ZNF365: variants seen among roughly 807,000 people sequenced by gnomAD.
ZNF365 encodes the protein protein ZNF365.
In ZNF365, 22 loss-of-function variants were observed where a neutral mutation model predicts 35.0. That is an observed-to-expected ratio of 0.63 (90% CI 0.45 to 0.90). ZNF365 has a LOEUF of 0.90. Among genes scored for constraint, ZNF365 ranks in the 40% least tolerant of loss-of-function variants. The probability of loss-of-function intolerance (pLI) is 0.00; values close to 1 mark genes in which losing one functional copy is unlikely to be tolerated. For missense variants in ZNF365, 448 were observed against 500.3 expected, an observed-to-expected ratio of 0.90 and a Z score of 1.00; for synonymous variants, 188 against 196.2, an observed-to-expected ratio of 0.96 and a Z score of 0.35.
At chr10:62,403,310 G>A (rs1018451802), downstream of ZNF365, among the ~76,000 whole-genome samples, 1 of 152,178 alleles carries the variant, frequency 6.6e-6, no homozygotes, top group Non-Finnish European at 1.5e-5. Flanking sequence ...GGCTGAGGAG[G>A]AAGAGGAGGA....
chr10:62,399,981 A>T lies in ZNF365; in HGVS notation c.*192A>T. On this transcript the variant is annotated 3_prime_UTR_variant, in exon 5 of 5. Transcript: ENST00000395254. Reference sequence around the variant, plus strand: ...CTTAGTGAACCAGAATTTTATTATAACCCCCTTTTAGAAGCTTGCAAATTA... The same window carrying T: ...CTTAGTGAACCAGAATTTTATTATATCCCCCTTTTAGAAGCTTGCAAATTA... 7.4e-7 allele frequency: 1 copy of T among 1,348,080 alleles called. No individual in the cohort carries two copies. Among genetic ancestry groups the T allele is most frequent in the Non-Finnish European group, 9.5e-7 (1 of 1,051,516 alleles). 83.5% of individuals were successfully genotyped at this position (1,348,080 alleles called of 1,614,324 possible). A position where few individuals can be genotyped will look rare whatever the true frequency, so the allele number is the denominator to read the frequency against.
At chr10:62,446,295 T>C (rs1200815445) in intron 3 of ZNF365, among the ~76,000 whole-genome samples, 1 of 152,180 alleles carries the variant, frequency 6.6e-6, no homozygotes, top group Non-Finnish European at 1.5e-5. Flanking sequence ...GAAAGCACCA[T>C]CTCTGACTTT....
At chr10:62,409,010 CT>C (rs747355015) in intron 3 of ZNF365, among the ~76,000 whole-genome samples, 100 of 152,316 alleles carry the variant, frequency 6.6e-4, no homozygotes, top group Middle Eastern at 3.4e-3. Context: ...AAACCCCCTT[CT>C]TGTGACTGCA....
intron 4 of ZNF365, among the ~76,000 whole-genome samples, chr10:62,477,683 G>T (rs568302393): frequency 1.3e-5 from 2 of 152,264 alleles, no homozygotes; most frequent in Non-Finnish European, 2.9e-5. Context: ...CCCATTACAG[G>T]TCAGCTGAAG....
At chr10:62,454,520 G>A (rs1042420973) in intron 3 of ZNF365, among the ~76,000 whole-genome samples, 5 of 152,056 alleles carry the variant, frequency 3.3e-5, no homozygotes, top group Admixed American at 6.5e-5. Context: ...ACAAATTTAC[G>A]GAAACACTGA....
chr10:62,431,164 A>G lies in ZNF365; in HGVS notation c.925-28577A>G, dbSNP rs535690860. Among the ~76,000 whole-genome samples the G allele has an allele frequency of 4.6e-5, 7 of 152,308 alleles. No homozygotes were observed. The South Asian group carries it at 1.2e-3, about 27-fold the overall frequency. ...TAACTTCTTTTTACAAATAGGTCAA[A>G]TCTATTAATTTTGGCCAACAGCCCT... On this transcript the variant is annotated intron_variant, in intron 3 of 4. Coordinates refer to the ZNF365 transcript ENST00000395255.
intron 2 of ZNF365, among the ~76,000 whole-genome samples, chr10:62,380,614 T>C (rs888094931): frequency 4.6e-5 from 7 of 152,220 alleles, no homozygotes; most frequent in Non-Finnish European, 1.0e-4. Context: ...GTCAGTCTCA[T>C]TGTAAACCCG....
intron 3 of ZNF365, among the ~76,000 whole-genome samples, chr10:62,396,015 T>C (rs183101131): frequency 5.3e-5 from 8 of 152,208 alleles, no homozygotes; most frequent in African/African-American, 1.9e-4. Flanking sequence ...AGTAGGTAGA[T>C]GGACTAAGTG....
intron 3 of ZNF365, among the ~76,000 whole-genome samples, chr10:62,448,634 T>C (rs190647766): frequency 6.6e-6 from 1 of 152,312 alleles, no homozygotes; most frequent in Non-Finnish European, 1.5e-5. Flanking sequence ...ATTGCAGATA[T>C]GGTGTCTATT....
chr10:62,447,005 C>T (rs1171627148), intron 3 of ZNF365, among the ~76,000 whole-genome samples: 1 of 152,140 alleles, frequency 6.6e-6, no homozygotes, highest in Non-Finnish European at 1.5e-5. Flanking sequence ...AACCTGACCT[C>T]ATGTTCCTGT....
intron 3 of ZNF365, among the ~76,000 whole-genome samples, chr10:62,419,017 A>T (rs1438289786): frequency 1.0e-5 from 1 of 96,252 alleles, no homozygotes; most frequent in African/African-American, 3.1e-5. Flanking sequence ...AACATTATAA[A>T]TATACCCTGG....
intron 3 of ZNF365, among the ~76,000 whole-genome samples, chr10:62,418,201 A>G (rs1840105166): frequency 6.6e-6 from 1 of 152,018 alleles, no homozygotes; most frequent in Non-Finnish European, 1.5e-5. Flanking sequence ...GAAAGTCTCA[A>G]CCCTGGTCAA....
chr10:62,386,418 A>G (rs1203368832), intron 2 of ZNF365, among the ~76,000 whole-genome samples: 7 of 152,224 alleles, frequency 4.6e-5, no homozygotes, highest in African/African-American at 1.7e-4. Context: ...CTACTGAAAG[A>G]TGATGGAATT....
chr10:62,473,952 T>C (rs1841086810), intron 4 of ZNF365, among the ~76,000 whole-genome samples: 1 of 152,322 alleles, frequency 6.6e-6, no homozygotes, highest in South Asian at 2.1e-4. Flanking sequence ...CCCCAGCATG[T>C]TGGCTTTTGT....
chr10:62,379,681 C>T (rs1417513562), intron 2 of ZNF365, among the ~76,000 whole-genome samples: 1 of 152,170 alleles, frequency 6.6e-6, no homozygotes, highest in Non-Finnish European at 1.5e-5. Flanking sequence ...GCAGAGGGAG[C>T]TGCCCACCTG....
At chr10:62,431,487 GCTGTT>G (rs1840333500) in intron 3 of ZNF365, among the ~76,000 whole-genome samples, 1 of 31,896 alleles carries the variant, frequency 3.1e-5, no homozygotes, top group Non-Finnish European at 1.2e-4. Flanking sequence ...CATAGTCTAT[GCTGTT>G]AATAGTCTAA....
intron 3 of ZNF365, among the ~76,000 whole-genome samples, chr10:62,416,214 A>AG (rs11403593): frequency 1 from 151,870 of 151,870 alleles, 75,935 homozygotes; most frequent in Non-Finnish European, 1. Flanking sequence ...CAAGTGTCTT[A>AG]ACTTCTACCT....
rs959310003 is a variant in ZNF365 at position 62,402,145 on chromosome 10, G to T, written c.*2356G>T. On this transcript the variant is annotated 3_prime_UTR_variant, in exon 5 of 5. Transcript: ENST00000395254. ...GGGCCGTTGACCTTAGAGTTAAGGC[G>T]GTTGCTTTTTTGAAGAAATCACCAA... The T allele has an allele frequency of 6.1e-6, 6 of 985,708 alleles. No individual in the cohort carries two copies. The highest frequency in any genetic ancestry group is 6.2e-5 in the Admixed American group (1 of 16,240). 61.1% of individuals were successfully genotyped at this position (985,708 alleles called of 1,614,324 possible). A position where few individuals can be genotyped will look rare whatever the true frequency, so the allele number is the denominator to read the frequency against.
intron 3 of ZNF365, among the ~76,000 whole-genome samples, chr10:62,414,161 C>T (rs1396283258): frequency 6.6e-6 from 1 of 151,898 alleles, no homozygotes; most frequent in Non-Finnish European, 1.5e-5. Flanking sequence ...GGCTTCTTAG[C>T]ACAAGTGAAC....
Sources: gnomAD v4.1 joint callset for allele counts (sites outside exome capture counted in the v4.1 genomes callset) on GRCh38, gnomAD v4.1.1 for gene constraint, MANE v1.5 for transcripts, NCBI Gene and HGNC (gene_info 2026-07-23, HGNC 2026-07-21) for gene names.